The following ARFIP1 variants were observed in gnomAD, a reference collection of about 807,000 sequenced individuals.
The protein encoded by ARFIP1 is arfaptin-1.
ARFIP1 carries 24 observed loss-of-function variants against 42.5 expected under a neutral mutation model. The ratio of observed to expected loss-of-function variants is 0.57; its 90% CI spans 0.41 to 0.80. The LOEUF (loss-of-function observed/expected upper bound fraction) is 0.80, where lower values mean the gene tolerates loss of function less well. ARFIP1 is among the 30% of genes least tolerant of loss of function. The probability of loss-of-function intolerance (pLI) is 0.00; values close to 1 mark genes in which losing one functional copy is unlikely to be tolerated. For synonymous variants in ARFIP1, 141 were observed against 153.7 expected (o/e 0.92, Z 0.61); for missense variants, 354 against 434.0 (o/e 0.82, Z 1.64).
At chr4:152,901,092 T>C (rs1380390652) in intron 8 of ARFIP1, among the ~76,000 whole-genome samples, 1 of 152,264 alleles carries the variant, frequency 6.6e-6, no homozygotes, top group Non-Finnish European at 1.5e-5. Context: ...GACTAATAAC[T>C]TATTTTAACC....
At chr4:152,838,421 C>G (rs2149853988) in intron 2 of ARFIP1, among the ~76,000 whole-genome samples, 1 of 152,212 alleles carries the variant, frequency 6.6e-6, no homozygotes, top group East Asian at 1.9e-4. Flanking sequence ...GATGTGTTTC[C>G]ATTTGTTTGT....
chr4:152,902,163 T>G (rs1737891473), intron 8 of ARFIP1, among the ~76,000 whole-genome samples: 1 of 152,228 alleles, frequency 6.6e-6, no homozygotes, highest in Admixed American at 6.5e-5. Context: ...TACTTAACTT[T>G]CTGAGTTTTC....
chr4:152,795,214 T>C (rs1197484507), intron 1 of ARFIP1, among the ~76,000 whole-genome samples: 1 of 152,156 alleles, frequency 6.6e-6, no homozygotes, highest in East Asian at 1.9e-4. Flanking sequence ...AGTAGAAATG[T>C]GTATTTTCTT....
At chr4:152,888,329 GTCTT>G in intron 8 of ARFIP1, 22 bp downstream of exon 8, 1 of 1,525,082 alleles carries the variant, frequency 6.6e-7, no homozygotes, top group Non-Finnish European at 8.9e-7. Flanking sequence ...ACCTTCTAAG[GTCTT>G]TCTGTGGACT....
chr4:152,854,562 T>C (rs1443540768), intron 2 of ARFIP1, among the ~76,000 whole-genome samples: 1 of 152,224 alleles, frequency 6.6e-6, no homozygotes, highest in Non-Finnish European at 1.5e-5. Context: ...TGTCTTTACA[T>C]TGATATCTGG....
rs1363209673 is a variant in ARFIP1 at position 152,863,607 on chromosome 4, A to T, written c.95A>T (p.Asp32Val). Residue 32 changes from aspartate (D) to valine (V), a missense_variant and splice_region_variant, in exon 3 of 9, where the codon GAT (aspartate) becomes GTT (valine). Coordinates refer to ENST00000353617, the MANE Select transcript of ARFIP1 (RefSeq NM_001025595.3). ...DDSREHSFNR[D>V]LKHSLPSGLG... ...TTCTTTTATTTAAATCTTGCTAAGG[A>T]TTTGAAGCATTCATTACCATCTGGA... 16 of 1,568,832 alleles carry T rather than the reference A, an allele frequency of 1.0e-5. No homozygotes were observed. The highest frequency in any genetic ancestry group is 3.4e-5 in the Admixed American group (2 of 59,338).
At chr4:152,801,300 A>T (rs1021163544) in intron 1 of ARFIP1, among the ~76,000 whole-genome samples, 1 of 152,160 alleles carries the variant, frequency 6.6e-6, no homozygotes, top group Non-Finnish European at 1.5e-5. Flanking sequence ...GAGGAAGAGA[A>T]TCGTGAAAAT....
chr4:152,781,960 CA>C (rs1730525007), intron 1 of ARFIP1, among the ~76,000 whole-genome samples: 2 of 152,200 alleles, frequency 1.3e-5, no homozygotes, highest in African/African-American at 2.4e-5. Flanking sequence ...TTGTTTTTAT[CA>C]AATTCTCAAA....
rs976248883 is a variant in ARFIP1 at position 152,882,774 on chromosome 4, G to C, written c.685G>C (p.Glu229Gln). Reference sequence around the variant, plus strand: ...CCAGAAACTGCTGGCTAAAAATGGAGAGACTCTTCTTGGGGCCATTAATTT... The same window carrying C: ...CCAGAAACTGCTGGCTAAAAATGGACAGACTCTTCTTGGGGCCATTAATTT... ...DTQKLLAKNG[E>Q]TLLGAINFFI... The change falls in exon 7 of 9, where the codon GAG becomes CAG. Residue 229 changes from glutamate (E) to glutamine (Q), a missense_variant. Coordinates refer to ENST00000353617, the MANE Select transcript of ARFIP1 (RefSeq NM_001025595.3). The C allele has an allele frequency of 6.2e-7, 1 of 1,613,354 alleles. No homozygotes were observed. Among genetic ancestry groups the C allele is most frequent in the Non-Finnish European group, 8.5e-7 (1 of 1,179,654 alleles).
At chr4:152,819,401 G>T (rs1033003899) in intron 1 of ARFIP1, among the ~76,000 whole-genome samples, 1 of 152,146 alleles carries the variant, frequency 6.6e-6, no homozygotes, top group Non-Finnish European at 1.5e-5. Context: ...TCTTTACAAG[G>T]AAATCTCCAT....
chr4:152,825,855 C>G lies in ARFIP1; in HGVS notation c.-9-3770C>G, dbSNP rs568171199. Among the ~76,000 whole-genome samples the G allele has an allele frequency of 6.6e-5, 10 of 151,950 alleles. No individual in the cohort carries two copies. The South Asian group carries it at 1.7e-3, about 25-fold the overall frequency. The stretch of plus-strand genomic sequence containing the variant: ...ATTAAAAAGTGGGCAAATGACATGA[C>G]CAGACATTTCTCAAAAGAAATACAC... On this transcript the variant is annotated intron_variant, in intron 1 of 8. Transcript: ENST00000353617.
intron 1 of ARFIP1, among the ~76,000 whole-genome samples, chr4:152,802,585 C>T (rs892794894): frequency 4.6e-5 from 7 of 151,842 alleles, no homozygotes; most frequent in Non-Finnish European, 1.0e-4. Flanking sequence ...TTTTTGTTTG[C>T]TCAGTGGTAA....
At chr4:152,909,448 ATTGT>A (rs1738662309) in intron 8 of ARFIP1, among the ~76,000 whole-genome samples, 1 of 152,128 alleles carries the variant, frequency 6.6e-6, no homozygotes, top group African/African-American at 2.4e-5. Context: ...TTTTTGATGC[ATTGT>A]TTATTTCTTT....
intron 2 of ARFIP1, among the ~76,000 whole-genome samples, chr4:152,836,930 C>G (rs965871812): frequency 3.3e-5 from 5 of 151,618 alleles, no homozygotes; most frequent in African/African-American, 1.2e-4. Flanking sequence ...CCTTGTCCCC[C>G]TCCCACTCTT....
intron 8 of ARFIP1, among the ~76,000 whole-genome samples, chr4:152,898,313 C>T (rs1396159835): frequency 1.3e-5 from 2 of 152,082 alleles, no homozygotes; most frequent in East Asian, 3.9e-4. Context: ...TCTTGAAATT[C>T]TCTCAGTAAT....
chr4:152,837,836 C>A (rs1003184115), intron 2 of ARFIP1, among the ~76,000 whole-genome samples: 1 of 152,174 alleles, frequency 6.6e-6, no homozygotes, highest in African/African-American at 2.4e-5. Flanking sequence ...GGTTCTTGGT[C>A]ATGAAATCCT....
intron 1 of ARFIP1, among the ~76,000 whole-genome samples, chr4:152,786,622 A>G (rs1351183731): frequency 1.3e-5 from 2 of 152,230 alleles, no homozygotes; most frequent in Admixed American, 1.3e-4. Flanking sequence ...TCTTGAAGGC[A>G]CAGTGATTTA....
intron 7 of ARFIP1, among the ~76,000 whole-genome samples, chr4:152,887,344 A>G (rs1736347112): frequency 1.3e-5 from 2 of 152,036 alleles, no homozygotes; most frequent in Non-Finnish European, 2.9e-5. Context: ...GTGCTCTACA[A>G]TAGATACTGT....
intron 2 of ARFIP1, among the ~76,000 whole-genome samples, chr4:152,831,465 G>T (rs1239872881): frequency 6.6e-6 from 1 of 152,044 alleles, no homozygotes; most frequent in East Asian, 1.9e-4. Context: ...CTTTATTGAG[G>T]TATAGCTTCT....
Sources: gnomAD v4.1 joint callset for allele counts (sites outside exome capture counted in the v4.1 genomes callset) on GRCh38, gnomAD v4.1.1 for gene constraint, MANE v1.5 for transcripts, NCBI Gene and HGNC (gene_info 2026-07-23, HGNC 2026-07-21) for gene names.